The following TBCD variants were observed in gnomAD, a reference collection of about 807,000 sequenced individuals.
TBCD encodes the protein tubulin folding cofactor D.
A neutral mutation model predicts 169.3 loss-of-function variants in TBCD; 105 were observed. That is an observed-to-expected ratio of 0.62 (90% CI 0.53 to 0.73). TBCD has a LOEUF of 0.73. Among genes scored for constraint, TBCD ranks in the 30% least tolerant of loss-of-function variants. TBCD has a pLI of 0.00. For synonymous variants in TBCD, 700 were observed against 643.9 expected (o/e 1.09, Z -1.32); for missense variants, 1,444 against 1,600.1 (o/e 0.90, Z 1.66).
In TBCD at chr17:82,929,275, C is replaced by A. The variant is rs756662476; in HGVS notation, c.2852+4C>A. 2.5e-6 allele frequency: 4 copies of A among 1,613,348 alleles called. No individual in the cohort carries two copies. Among genetic ancestry groups the A allele is most frequent in the Non-Finnish European group, 3.4e-6 (4 of 1,179,546 alleles). Reference sequence around the variant, plus strand: ...AACTGGAAAAGCTGTTTCCCAGGTACTGTCGGGGTGTAGGCCCCCCGTGCT... The same window carrying A: ...AACTGGAAAAGCTGTTTCCCAGGTAATGTCGGGGTGTAGGCCCCCCGTGCT... On this transcript the variant is annotated splice_donor_region_variant and intron_variant, in intron 31 of 38. Transcript: ENST00000355528.
At chr17:82,758,384 G>GAAAAAAAAAAAAAAAAAAAAA (rs71168146) in intron 2 of TBCD, among the ~76,000 whole-genome samples, 12 of 24,976 alleles carry the variant, frequency 4.8e-4, no homozygotes, top group African/African-American at 6.9e-4. Context: ...AAACGTCTCG[G>GAAAAAAAAAAAAAAAAAAAAA]AAAAAAAAAA....
chr17:82,788,092 G>T (rs188225309), intron 7 of TBCD, among the ~76,000 whole-genome samples: 4 of 152,242 alleles, frequency 2.6e-5, no homozygotes, highest in African/African-American at 9.6e-5. Context: ...CAAAAAATTA[G>T]TTGGGCATGG....
rs549586248 is a variant in TBCD at position 82,927,097 on chromosome 17, C to T, written c.2472-89C>T. 5.9e-5 allele frequency: 92 copies of T among 1,567,218 alleles called. No homozygotes were observed. In the African/African-American group the frequency reaches 1.0e-3, roughly 18 times the overall value. On this transcript the variant is annotated intron_variant, in intron 28 of 38. Coordinates refer to ENST00000355528, the MANE Select transcript of TBCD (RefSeq NM_005993.5). ...CTGGACTGTTCTGAGCGTGTCTTCT[C>T]AGGATCAGGAACACACATCAGCCCT...
In TBCD at chr17:82,930,340, G is replaced by A; in HGVS notation, c.2992-182G>A. On this transcript the variant is annotated intron_variant, in intron 32 of 38. Coordinates refer to ENST00000355528, the MANE Select transcript of TBCD (RefSeq NM_005993.5). This position sits in a 1 kb window ranked among gnomAD's most constrained non-coding sequence, Gnocchi z 5.2. The stretch of plus-strand genomic sequence containing the variant: ...TGCCGAGAGCCTTGTGTCTGCTTCG[G>A]GTGTCTGCACTGTGAGTGGCTCCGT... 2 of 777,176 alleles carry A rather than the reference G, an allele frequency of 2.6e-6. No homozygotes were observed. The highest frequency in any genetic ancestry group is 3.9e-4 in the Middle Eastern group (1 of 2,556). The allele number at this position is 777,176 out of a possible 1,614,324, so 48.1% of individuals were successfully genotyped here. A position where few individuals can be genotyped will look rare whatever the true frequency, so the allele number is the denominator to read the frequency against.
At position 82,932,646 on chromosome 17, in the gene TBCD, T is replaced by C. The variant is rs1420070531; in HGVS notation, c.3114-12T>C. 3 of 1,611,694 alleles carry C rather than the reference T, an allele frequency of 1.9e-6. No individual in the cohort carries two copies. The highest frequency in any genetic ancestry group is 2.5e-6 in the Non-Finnish European group (3 of 1,179,320). On this transcript the variant is annotated splice_polypyrimidine_tract_variant and intron_variant, in intron 33 of 38. Transcript: ENST00000355528. ...CTGGTGTCCAGGGTCTCACAGCTCC[T>C]TCTCCCCTCAGGGTGTCCGTGCCGC...
At chr17:82,898,682 T>C (rs2059662184) in intron 17 of TBCD, among the ~76,000 whole-genome samples, 1 of 152,188 alleles carries the variant, frequency 6.6e-6, no homozygotes, top group Non-Finnish European at 1.5e-5. Context: ...GGTGTTTTCC[T>C]GGTAGACTTT....
At chr17:82,798,682 G>A (rs1320179119) in intron 8 of TBCD, among the ~76,000 whole-genome samples, 1 of 152,186 alleles carries the variant, frequency 6.6e-6, no homozygotes, top group Non-Finnish European at 1.5e-5. Flanking sequence ...CTGGCTTCTT[G>A]GGGCCCAGGA....
chr17:82,766,172 G>A (rs1209679498), intron 3 of TBCD, 95 bp from the exon 4 acceptor site: 8 of 923,216 alleles, frequency 8.7e-6, no homozygotes, highest in East Asian at 2.7e-5. Flanking sequence ...TCAGTGGGTC[G>A]CGTAGCTGGT....
At chr17:82,940,779 C>T (rs2063140116) in intron 37 of TBCD, among the ~76,000 whole-genome samples, 1 of 152,118 alleles carries the variant, frequency 6.6e-6, no homozygotes, top group Non-Finnish European at 1.5e-5. Context: ...CACCAAGGTG[C>T]ATTCTGGACC....
At chr17:82,858,849 G>T (rs1363450099) in intron 13 of TBCD, among the ~76,000 whole-genome samples, 1 of 152,196 alleles carries the variant, frequency 6.6e-6, no homozygotes, top group Non-Finnish European at 1.5e-5. Flanking sequence ...GCTGCCTGGG[G>T]CTACCCCGTG....
chr17:82,900,833 C>T (rs186345585), intron 18 of TBCD, 102 bp downstream of exon 18: 21 of 858,392 alleles, frequency 2.4e-5, no homozygotes, highest in Non-Finnish European at 3.6e-5. Context: ...CTGTGGATGT[C>T]GTATTTTAAA....
chr17:82,941,145 C>T (rs994369177), intron 37 of TBCD, among the ~76,000 whole-genome samples: 8 of 152,244 alleles, frequency 5.3e-5, no homozygotes, highest in African/African-American at 7.2e-5. Flanking sequence ...CTGCGCTGGG[C>T]GTGGTCCTTC....
rs184908110 is a variant in TBCD at position 82,905,192 on chromosome 17, G to A, written c.1805-744G>A. Among the ~76,000 whole-genome samples the A allele has an allele frequency of 3.3e-3, 509 of 152,296 alleles. 3 individuals carry two copies. Among genetic ancestry groups the A allele is most frequent in the African/African-American group, 0.01 (425 of 41,556 alleles). ...TCTGTCCTGCTCCGCCCCCTCCACC[G>A]CCCAGGCAGCCAGGCAGAGCTCCTG... On this transcript the variant is annotated intron_variant, in intron 19 of 38. Coordinates refer to ENST00000355528, the MANE Select transcript of TBCD (RefSeq NM_005993.5).
chr17:82,908,356 C>G (rs893483647), intron 21 of TBCD: 6 of 456,564 alleles, frequency 1.3e-5, no homozygotes, highest in African/African-American at 1.2e-4. Flanking sequence ...TTTGTGTGTG[C>G]GTCTGTCGGA....
chr17:82,809,876 G>A, intron 12 of TBCD, 94 bp downstream of exon 12: 1 of 1,208,418 alleles, frequency 8.3e-7, no homozygotes, highest in Non-Finnish European at 1.2e-6. Flanking sequence ...TTTTCATTGA[G>A]CTGTTTGTCA....
At chr17:82,908,210 C>T in intron 21 of TBCD, 1 of 426,136 alleles carries the variant, frequency 2.3e-6, no homozygotes, top group South Asian at 1.7e-5. Flanking sequence ...GAGCGTGCAG[C>T]CAACTCTGGG....
intron 3 of TBCD, among the ~76,000 whole-genome samples, chr17:82,765,782 T>C (rs2047989921): frequency 6.6e-6 from 1 of 152,250 alleles, no homozygotes; most frequent in African/African-American, 2.4e-5. Context: ...ACTGATTCCG[T>C]AAATATGGTA....
chr17:82,798,402 T>C (rs6502132), intron 8 of TBCD, among the ~76,000 whole-genome samples: 13,081 of 152,192 alleles, frequency 0.086, 1,494 homozygotes, highest in African/African-American at 0.26. Flanking sequence ...TGCCTCGGCT[T>C]CCCAAAGTGC....
chr17:82,911,273 C>T (rs2060621550), intron 22 of TBCD, among the ~76,000 whole-genome samples: 1 of 152,096 alleles, frequency 6.6e-6, no homozygotes, highest in Admixed American at 6.6e-5. Context: ...ATATTTTGCC[C>T]TCCCCAGGGC....
Sources: gnomAD v4.1 joint callset for allele counts (sites outside exome capture counted in the v4.1 genomes callset) on GRCh38, gnomAD v4.1.1 for gene constraint, Gnocchi (gnomAD v3.1) non-coding constraint, MANE v1.5 for transcripts, NCBI Gene and HGNC (gene_info 2026-07-23, HGNC 2026-07-21) for gene names.